Variants in MTHFS observed in about 807,000 individuals in gnomAD.
MTHFS encodes 5-formyltetrahydrofolate cyclo-ligase.
A neutral mutation model predicts 12.7 loss-of-function variants in MTHFS; 7 were observed. The ratio of observed to expected loss-of-function variants is 0.55; its 90% CI spans 0.31 to 1.03. MTHFS has a LOEUF of 1.03. Ranked by LOEUF, MTHFS falls within the 50% of genes least tolerant of loss-of-function variation. MTHFS has a pLI of 0.05. For missense variants in MTHFS, 252 were observed against 258.1 expected (o/e 0.98, Z 0.16); for synonymous variants, 100 against 97.1 (o/e 1.03, Z -0.18).
Position 79,884,214 on chromosome 15 carries a change from T to G in MTHFS, c.379+4879A>C, listed in dbSNP as rs969983791. Among the ~76,000 whole-genome samples the G allele has an allele frequency of 2.6e-5, 4 of 152,234 alleles. No homozygotes were observed. In the East Asian group the frequency reaches 5.8e-4, roughly 22 times the overall value. On this transcript the variant is annotated intron_variant, in intron 2 of 2. Coordinates refer to ENST00000258874, the MANE Select transcript of MTHFS (RefSeq NM_006441.4). ...ACTAGAATTCAAATCCAGGTTAGTA[T>G]GATTCTCAAATCCGTATTTTCCATT...
intron 1 of MTHFS, 131 bp downstream of exon 1, chr15:79,896,719 TGCGCGCGCCGGGAGGGGAAACG>T: frequency 2.2e-6 from 2 of 926,646 alleles, no homozygotes; most frequent in African/African-American, 3.1e-5. Flanking sequence ...CTAGGGGGCG[TGCGCGCGCCGGGAGGGGAAACG>T]TGCGCGCGCC....
intron 2 of MTHFS, among the ~76,000 whole-genome samples, chr15:79,861,491 T>G (rs935323890): frequency 2.0e-5 from 3 of 152,234 alleles, no homozygotes; most frequent in Non-Finnish European, 4.4e-5. Context: ...TACTCTCATG[T>G]GTTGGTGATG....
chr15:79,867,130 G>A (rs540537676), intron 2 of MTHFS, among the ~76,000 whole-genome samples: 1 of 152,180 alleles, frequency 6.6e-6, no homozygotes, highest in South Asian at 2.1e-4. Context: ...GTTTCTACAG[G>A]ATAAAAATAG....
intron 1 of MTHFS, among the ~76,000 whole-genome samples, chr15:79,893,950 G>T (rs2141381753): frequency 6.6e-6 from 1 of 152,242 alleles, no homozygotes; most frequent in East Asian, 1.9e-4. Context: ...TTTTCTAAAT[G>T]AAAGACATCA....
Position 79,844,323 on chromosome 15 carries a change from GA to G in MTHFS, c.*886del, listed in dbSNP as rs1489254375. The G allele has an allele frequency of 6.6e-6, 1 of 152,266 alleles. No individual in the cohort carries two copies. The highest frequency in any genetic ancestry group is 2.4e-5 in the African/African-American group (1 of 41,444). 9.4% of individuals were successfully genotyped at this position (152,266 alleles called of 1,614,324 possible). On this transcript the variant is annotated 3_prime_UTR_variant, in exon 3 of 3. Coordinates refer to ENST00000258874, the MANE Select transcript of MTHFS (RefSeq NM_006441.4). ...AAAGGCTGGACAAAAGGAGTGACAG[GA>G]AAATTGAAAGGAGAGAATAGATTTA...
In MTHFS at chr15:79,846,848, C is replaced by T. The variant is rs4987193; in HGVS notation, c.380-1406G>A. 4.7e-3 allele frequency among the ~76,000 whole-genome samples: 711 copies of T among 152,314 alleles called. 10 individuals are homozygous for T. Among genetic ancestry groups the T allele is most frequent in the African/African-American group, 0.016 (669 of 41,562 alleles). On this transcript the variant is annotated intron_variant, in intron 2 of 2. Transcript: ENST00000258874. ...CATCAGGCTTGAAGTTCAGTTCTGTCTTCTATACCTAGAACACACAATGCG... is the reference window on the plus strand; with the variant it reads ...CATCAGGCTTGAAGTTCAGTTCTGTTTTCTATACCTAGAACACACAATGCG...
chr15:79,849,946 G>C (rs1446309397), intron 2 of MTHFS, among the ~76,000 whole-genome samples: 1 of 152,224 alleles, frequency 6.6e-6, no homozygotes, highest in Non-Finnish European at 1.5e-5. Context: ...CTTTTCATTT[G>C]GTGCTGGCTC....
chr15:79,891,099 G>C (rs917940061), intron 1 of MTHFS, among the ~76,000 whole-genome samples: 3 of 152,098 alleles, frequency 2.0e-5, no homozygotes, highest in African/African-American at 7.2e-5. Flanking sequence ...AGAGAATAGA[G>C]ACCTAATTTC....
intron 2 of MTHFS, among the ~76,000 whole-genome samples, chr15:79,867,970 C>T (rs185120080): frequency 2.4e-4 from 36 of 152,232 alleles, no homozygotes; most frequent in Admixed American, 2.3e-3. Context: ...AGATCACACA[C>T]GTGAGAGTGA....
At chr15:79,857,808 A>G (rs1441682109) in intron 2 of MTHFS, among the ~76,000 whole-genome samples, 2 of 152,058 alleles carry the variant, frequency 1.3e-5, no homozygotes, top group Non-Finnish European at 2.9e-5. Context: ...CGAGGTCAGG[A>G]GTTCGAGACC....
intron 1 of MTHFS, 176 bp downstream of exon 1, chr15:79,896,696 G>T (rs1396818752): frequency 2.5e-6 from 3 of 1,183,022 alleles, no homozygotes; most frequent in African/African-American, 3.2e-5. Flanking sequence ...TGCCAAGAGC[G>T]TCCAGACCAC....
At position 79,896,994 on chromosome 15, in the gene MTHFS, G is replaced by C. The variant is rs1332856776; in HGVS notation, c.-6C>G. ...CTCACCGCTGCCGCCGCCATCTCAC[G>C]CCCAAGCCGAGTCCAGTCCCGCCCT... On this transcript the variant is annotated 5_prime_UTR_variant, in exon 1 of 3. Transcript: ENST00000258874. 4 of 1,526,784 alleles carry C rather than the reference G, an allele frequency of 2.6e-6. No homozygotes were observed. Among genetic ancestry groups the C allele is most frequent in the African/African-American group, 1.4e-5 (1 of 71,314 alleles). The allele number at this position is 1,526,784 out of a possible 1,614,324, so 94.6% of individuals were successfully genotyped here.
At chr15:79,895,214 A>G (rs1341877964) in intron 1 of MTHFS, among the ~76,000 whole-genome samples, 1 of 152,210 alleles carries the variant, frequency 6.6e-6, no homozygotes, top group Non-Finnish European at 1.5e-5. Flanking sequence ...AGCCCATGCT[A>G]AACTGTATCC....
chr15:79,858,978 A>G (rs2033860673), intron 2 of MTHFS, among the ~76,000 whole-genome samples: 1 of 152,252 alleles, frequency 6.6e-6, no homozygotes, highest in Non-Finnish European at 1.5e-5. Flanking sequence ...AACAACAAAT[A>G]TAAACTGATC....
At chr15:79,880,824 T>C (rs1172767593) in intron 2 of MTHFS, among the ~76,000 whole-genome samples, 1 of 150,026 alleles carries the variant, frequency 6.7e-6, no homozygotes, top group Non-Finnish European at 1.5e-5. Context: ...ACTTTTAAAC[T>C]ACATATATAG....
chr15:79,844,651 C>A lies in MTHFS; in HGVS notation c.*559G>T, dbSNP rs1188747584. On this transcript the variant is annotated 3_prime_UTR_variant, in exon 3 of 3. Coordinates refer to ENST00000258874, the MANE Select transcript of MTHFS (RefSeq NM_006441.4). ...ATCAGTGGAGTAAAAGTATTTAAAT[C>A]ATAAAAGGTTTCCCTCCACTAACCA... Among the ~76,000 whole-genome samples the A allele has an allele frequency of 2.6e-5, 4 of 151,968 alleles. No homozygotes were observed. Among genetic ancestry groups the A allele is most frequent in the Admixed American group, 1.3e-4 (2 of 15,250 alleles).
At chr15:79,854,357 C>A (rs1011129422) in intron 2 of MTHFS, among the ~76,000 whole-genome samples, 2 of 152,224 alleles carry the variant, frequency 1.3e-5, no homozygotes, top group African/African-American at 2.4e-5. Flanking sequence ...GTTATAAGAA[C>A]CCGCATAGCT....
At chr15:79,875,112 T>G (rs758446444) in intron 2 of MTHFS, among the ~76,000 whole-genome samples, 8 of 152,088 alleles carry the variant, frequency 5.3e-5, no homozygotes, top group Non-Finnish European at 1.5e-5. Context: ...ATCTTCACAG[T>G]TTATGTTCAG....
At chr15:79,866,223 T>G (rs769097406) in intron 2 of MTHFS, among the ~76,000 whole-genome samples, 4 of 152,204 alleles carry the variant, frequency 2.6e-5, no homozygotes, top group Non-Finnish European at 5.9e-5. Flanking sequence ...GACCTGATCA[T>G]GGGTCCAGAA....
Sources: allele counts gnomAD v4.1 joint callset (sites outside exome capture counted in the v4.1 genomes callset), GRCh38; gene constraint gnomAD v4.1.1; transcripts MANE v1.5; gene names NCBI Gene and HGNC (gene_info 2026-07-23, HGNC 2026-07-21).